Variants in PEX14 observed in about 807,000 individuals in gnomAD.
PEX14 encodes the protein peroxisomal membrane protein PEX14.
A neutral mutation model predicts 49.5 loss-of-function variants in PEX14; 15 were observed. That is an observed-to-expected ratio of 0.30 (90% CI 0.20 to 0.47). The LOEUF (loss-of-function observed/expected upper bound fraction) is 0.47. Among genes scored for constraint, PEX14 ranks in the 20% least tolerant of loss-of-function variants. The probability of loss-of-function intolerance (pLI) is 1.00; values close to 1 mark genes in which losing one functional copy is unlikely to be tolerated. For synonymous variants in PEX14, 210 were observed against 212.7 expected, an observed-to-expected ratio of 0.99 and a Z score of 0.11; for missense variants, 398 against 494.8, an observed-to-expected ratio of 0.80 and a Z score of 1.86.
intron 3 of PEX14, among the ~76,000 whole-genome samples, chr1:10,557,457 G>A (rs1639519767): frequency 6.6e-6 from 1 of 152,140 alleles, no homozygotes; most frequent in African/African-American, 2.4e-5. Flanking sequence ...GTGGTGGCGG[G>A]CGCCTGTAAT....
intron 7 of PEX14, among the ~76,000 whole-genome samples, chr1:10,626,359 C>T (rs1425384208): frequency 6.6e-6 from 1 of 152,176 alleles, no homozygotes; most frequent in Admixed American, 6.5e-5. Context: ...AGTAGGAACC[C>T]TGAGGGGCTG....
At position 10,512,944 on chromosome 1, in the gene PEX14, AC is replaced by A. The variant is rs1422709948; in HGVS notation, c.84+17625del. Among the ~76,000 whole-genome samples, 1 of 151,996 alleles carries A rather than the reference AC, an allele frequency of 6.6e-6. No homozygotes were observed. Among genetic ancestry groups the A allele is most frequent in the Non-Finnish European group, 1.5e-5 (1 of 67,994 alleles). ...GATCTCGTGACCTCGTGATCCACCCACCTTGGTCTCCCAGAATGCTGGGATT... is the reference window on the plus strand; with the variant it reads ...GATCTCGTGACCTCGTGATCCACCCACTTGGTCTCCCAGAATGCTGGGATT... On this transcript the variant is annotated intron_variant, in intron 2 of 8. Coordinates refer to ENST00000356607, the MANE Select transcript of PEX14 (RefSeq NM_004565.3). The surrounding 1 kb of genome is among the most constrained non-coding windows in gnomAD (Gnocchi z 4.6).
In PEX14 at chr1:10,623,913, C is replaced by T. The variant is rs1044367838; in HGVS notation, c.488-427C>T. On this transcript the variant is annotated intron_variant, in intron 6 of 8. Transcript: ENST00000356607. This position sits in a 1 kb window ranked among gnomAD's most constrained non-coding sequence, Gnocchi z 4.4. ...AAGGAGCAGTGGGAAACAGGACGTGCGGCTTGAGCCACTCCTGGATGTGAA... is the reference window on the plus strand; with the variant it reads ...AAGGAGCAGTGGGAAACAGGACGTGTGGCTTGAGCCACTCCTGGATGTGAA... Among the ~76,000 whole-genome samples, 7 of 152,150 alleles carry T rather than the reference C, an allele frequency of 4.6e-5. No homozygotes were observed. Among genetic ancestry groups the T allele is most frequent in the African/African-American group, 9.7e-5 (4 of 41,440 alleles).
chr1:10,503,232 A>G (rs1641713961), intron 2 of PEX14, among the ~76,000 whole-genome samples: 2 of 128,344 alleles, frequency 1.6e-5, no homozygotes, highest in Non-Finnish European at 1.6e-5. Flanking sequence ...CAGTGAGCTG[A>G]GATTGTGCCA....
At position 10,521,985 on chromosome 1, in the gene PEX14, C is replaced by A. The variant is rs573262642; in HGVS notation, c.85-14228C>A. Among the ~76,000 whole-genome samples, 9 of 152,286 alleles carry A rather than the reference C, an allele frequency of 5.9e-5. No homozygotes were observed. The South Asian group carries it at 1.2e-3, about 21-fold the overall frequency. On this transcript the variant is annotated intron_variant, in intron 2 of 8. Transcript: ENST00000356607. ...CACGTCACACACTGGCCCCAGTGAT[C>A]GTAGTGTTGTAGGAAGCGCTGCCAT...
In PEX14 at chr1:10,569,787, CT is replaced by C. The variant is rs1639918377; in HGVS notation, c.170-29448del. Among the ~76,000 whole-genome samples the C allele has an allele frequency of 7.2e-5, 11 of 152,170 alleles. 2 individuals carry two copies. Among genetic ancestry groups the C allele is most frequent in the African/African-American group, 2.6e-4 (11 of 41,534 alleles). On this transcript the variant is annotated intron_variant, in intron 3 of 8. Coordinates refer to ENST00000356607, the MANE Select transcript of PEX14 (RefSeq NM_004565.3). ...GAGGACATTTTCCATTGTTTTCTAC[CT>C]TTCTGTGTTGCTGCTGAAAAGTCTG...
At chr1:10,570,259 T>C (rs1377826163) in intron 3 of PEX14, among the ~76,000 whole-genome samples, 1 of 152,172 alleles carries the variant, frequency 6.6e-6, no homozygotes, top group Admixed American at 6.5e-5. Flanking sequence ...GTTTCATTGA[T>C]GCAACATTAC....
At chr1:10,627,196 C>A in intron 7 of PEX14, 76 bp from the exon 8 acceptor site, 1 of 972,110 alleles carries the variant, frequency 1.0e-6, no homozygotes, top group South Asian at 1.3e-5. Flanking sequence ...TGCCCCCACC[C>A]AGGTCCTCCT....
intron 3 of PEX14, among the ~76,000 whole-genome samples, chr1:10,542,790 T>G (rs1027356453): frequency 6.6e-6 from 1 of 151,996 alleles, no homozygotes; most frequent in Non-Finnish European, 1.5e-5. Flanking sequence ...AACAAAAAAT[T>G]AGCCCCAAAT....
intron 2 of PEX14, among the ~76,000 whole-genome samples, chr1:10,505,838 G>A (rs759146589): frequency 6.6e-5 from 10 of 151,786 alleles, no homozygotes; most frequent in Non-Finnish European, 5.9e-5. Flanking sequence ...GTGCCACCAT[G>A]CCCAGCTAAT....
At position 10,613,757 on chromosome 1, in the gene PEX14, C is replaced by T. The variant is rs914097033; in HGVS notation, c.299-4575C>T. ...GTGCTTGATAAGAAGAGAAAAATGT[C>T]CTTGGAACCCCCCTGGCTGGTGGTG... On this transcript the variant is annotated intron_variant, in intron 4 of 8. Coordinates refer to ENST00000356607, the MANE Select transcript of PEX14 (RefSeq NM_004565.3). This position sits in a 1 kb window ranked among gnomAD's most constrained non-coding sequence, Gnocchi z 5.0. 6.6e-6 allele frequency among the ~76,000 whole-genome samples: 1 copy of T among 152,180 alleles called. No individual in the cohort carries two copies. The highest frequency in any genetic ancestry group is 2.4e-5 in the African/African-American group (1 of 41,428).
At chr1:10,523,065 TA>T (rs1376262817) in intron 2 of PEX14, among the ~76,000 whole-genome samples, 1 of 152,200 alleles carries the variant, frequency 6.6e-6, no homozygotes, top group Non-Finnish European at 1.5e-5. Context: ...CCCAGACTAA[TA>T]AGCTTTTTGA....
intron 3 of PEX14, among the ~76,000 whole-genome samples, chr1:10,541,596 C>T (rs570575460): frequency 6.6e-6 from 1 of 152,356 alleles, no homozygotes; most frequent in South Asian, 2.1e-4. Flanking sequence ...TGAGCATCTC[C>T]ATCCATCTGT....
chr1:10,512,325 A>C lies in PEX14; in HGVS notation c.84+17004A>C, dbSNP rs1183486422. On this transcript the variant is annotated intron_variant, in intron 2 of 8. Transcript: ENST00000356607. This position sits in a 1 kb window ranked among gnomAD's most constrained non-coding sequence, Gnocchi z 4.6. ...TTCTGGATCTTTTTTTCTGATACCCAACACTGTGGCACTTGACTAAGTCAC... is the reference window on the plus strand; with the variant it reads ...TTCTGGATCTTTTTTTCTGATACCCCACACTGTGGCACTTGACTAAGTCAC... Among the ~76,000 whole-genome samples the C allele has an allele frequency of 1.3e-5, 2 of 152,096 alleles. No individual in the cohort carries two copies. The highest frequency in any genetic ancestry group is 3.9e-4 in the East Asian group (2 of 5,194).
At chr1:10,506,608 GAAA>G (rs1278392253) in intron 2 of PEX14, among the ~76,000 whole-genome samples, 1 of 152,220 alleles carries the variant, frequency 6.6e-6, no homozygotes, top group African/African-American at 2.4e-5. Flanking sequence ...AATGTGAAAA[GAAA>G]GTTTTATGAA....
chr1:10,564,425 A>G (rs1451706524), intron 3 of PEX14, among the ~76,000 whole-genome samples: 2 of 145,758 alleles, frequency 1.4e-5, no homozygotes, highest in African/African-American at 2.6e-5. Context: ...CCTTGTTTGC[A>G]TTTGATTTTT....
At chr1:10,537,680 C>T (rs932016720) in intron 3 of PEX14, among the ~76,000 whole-genome samples, 4 of 152,180 alleles carry the variant, frequency 2.6e-5, no homozygotes, top group South Asian at 2.1e-4. Flanking sequence ...TTCTCTCAAA[C>T]GCAGCTGGGT....
chr1:10,600,623 C>T (rs1640955514), intron 4 of PEX14, among the ~76,000 whole-genome samples: 1 of 148,650 alleles, frequency 6.7e-6, no homozygotes, highest in Admixed American at 6.7e-5. Context: ...GGGGCTGAGG[C>T]AGGAGAATCA....
chr1:10,491,656 C>T (rs541215024), intron 1 of PEX14, among the ~76,000 whole-genome samples: 75 of 146,756 alleles, frequency 5.1e-4, no homozygotes, highest in Admixed American at 1.2e-3. Flanking sequence ...AAGGTGTAAG[C>T]CACACTTGGC....
Sources: allele counts gnomAD v4.1 joint callset (sites outside exome capture counted in the v4.1 genomes callset), GRCh38; gene constraint gnomAD v4.1.1; non-coding constraint Gnocchi (gnomAD v3.1); transcripts MANE v1.5; gene names NCBI Gene and HGNC (gene_info 2026-07-23, HGNC 2026-07-21).